The following RBPJ variants were observed in gnomAD, a reference collection of about 807,000 sequenced individuals.
RBPJ encodes recombination signal binding protein for immunoglobulin kappa J region, also known as recombining binding protein suppressor of hairless.
In RBPJ, 9 loss-of-function variants were observed where a neutral mutation model predicts 67.8. That is an observed-to-expected ratio of 0.13 (90% CI 0.08 to 0.23). RBPJ has a LOEUF of 0.23. Among genes scored for constraint, RBPJ ranks in the 10% least tolerant of loss-of-function variants. The probability of loss-of-function intolerance (pLI) is 1.00; values close to 1 mark genes in which losing one functional copy is unlikely to be tolerated. For synonymous variants in RBPJ, 198 were observed against 203.3 expected, an observed-to-expected ratio of 0.97 and a Z score of 0.22; for missense variants, 305 against 595.6, an observed-to-expected ratio of 0.51 and a Z score of 5.08.
intron 1 of RBPJ, among the ~76,000 whole-genome samples, chr4:26,385,897 G>T (rs1560312626): frequency 6.6e-6 from 1 of 151,686 alleles, no homozygotes; most frequent in Non-Finnish European, 1.5e-5. Flanking sequence ...TGAACCCTTG[G>T]GCTCAGTCTC....
chr4:26,170,609 C>A (rs1267000003), intron 1 of RBPJ, among the ~76,000 whole-genome samples: 1 of 150,954 alleles, frequency 6.6e-6, no homozygotes, highest in Non-Finnish European at 1.5e-5. Context: ...ATGATACAAA[C>A]AGGAAAATTT....
At chr4:26,126,370 C>G in the RBPJ span, among the ~76,000 whole-genome samples, 1 of 152,214 alleles carries the variant, frequency 6.6e-6, no homozygotes, top group Non-Finnish European at 1.5e-5. Context: ...GGGGAATCCC[C>G]CATTGTGTAT....
chr4:26,357,146 C>T (rs1727468504), intron 1 of RBPJ, among the ~76,000 whole-genome samples: 1 of 152,186 alleles, frequency 6.6e-6, no homozygotes, highest in African/African-American at 2.4e-5. Context: ...CTTGAAGAAA[C>T]AGTGGAGCCC....
chr4:26,108,441 A>G, the RBPJ span, among the ~76,000 whole-genome samples: 2 of 152,162 alleles, frequency 1.3e-5, no homozygotes, highest in African/African-American at 4.8e-5. Context: ...AGGAGTCTGC[A>G]CTATACTGAG....
At chr4:26,334,052 T>C (rs969291347) in intron 1 of RBPJ, among the ~76,000 whole-genome samples, 7 of 152,058 alleles carry the variant, frequency 4.6e-5, no homozygotes, top group Middle Eastern at 3.4e-3. Context: ...CTTTTCTTTT[T>C]TTTTTTTTGA....
intron 1 of RBPJ, among the ~76,000 whole-genome samples, chr4:26,166,727 A>T (rs1251365708): frequency 2.0e-5 from 3 of 151,940 alleles, no homozygotes; most frequent in Non-Finnish European, 4.4e-5. Flanking sequence ...GTTTAATTAG[A>T]TCCCATTTGT....
intron 1 of RBPJ, among the ~76,000 whole-genome samples, chr4:26,164,870 G>A (rs1052324823): frequency 1.3e-5 from 2 of 152,156 alleles, no homozygotes; most frequent in African/African-American, 2.4e-5. Context: ...TAGACCACCA[G>A]AAGTCTAGAG....
At chr4:26,317,597 A>G (rs983750607), upstream of RBPJ, among the ~76,000 whole-genome samples, 1 of 152,158 alleles carries the variant, frequency 6.6e-6, no homozygotes, top group South Asian at 2.1e-4. Context: ...AGAAGGGAGG[A>G]CCAGTTAGGG....
intron 1 of RBPJ, among the ~76,000 whole-genome samples, chr4:26,174,982 A>G (rs1306362699): frequency 2.0e-5 from 3 of 152,174 alleles, no homozygotes; most frequent in Admixed American, 2.0e-4. Context: ...AGGGAAAGGG[A>G]TATGAGAAAA....
chr4:26,191,403 A>G (rs1225674329), intron 1 of RBPJ, among the ~76,000 whole-genome samples: 1 of 151,384 alleles, frequency 6.6e-6, no homozygotes, highest in Non-Finnish European at 1.5e-5. Flanking sequence ...TCCTTTTTCA[A>G]TCTATTATCT....
At chr4:26,409,471 A>C (rs569515844) in intron 3 of RBPJ, among the ~76,000 whole-genome samples, 64 of 152,146 alleles carry the variant, frequency 4.2e-4, no homozygotes, top group Non-Finnish European at 8.1e-4. Flanking sequence ...TGGAAAATTT[A>C]ACCATATCTT....
intron 5 of RBPJ, 55 bp downstream of exon 5, chr4:26,420,780 ACT>A (rs1735051778): frequency 1.4e-6 from 2 of 1,399,888 alleles, no homozygotes; most frequent in South Asian, 1.5e-5. Context: ...AATAAGACAG[ACT>A]CTTTTTTAAA....
intron 2 of RBPJ, among the ~76,000 whole-genome samples, chr4:26,405,606 T>C (rs1035500219): frequency 2.0e-5 from 3 of 152,154 alleles, no homozygotes; most frequent in Non-Finnish European, 4.4e-5. Context: ...ATTTTATTTA[T>C]TTAATAATAT....
At chr4:26,354,104 G>A (rs557657895) in intron 1 of RBPJ, among the ~76,000 whole-genome samples, 3 of 150,866 alleles carry the variant, frequency 2.0e-5, no homozygotes, top group Admixed American at 2.0e-4. Flanking sequence ...CTAATTTTTT[G>A]TATTTTTTAG....
At chr4:26,189,770 G>A (rs1254966566) in intron 1 of RBPJ, among the ~76,000 whole-genome samples, 1 of 152,216 alleles carries the variant, frequency 6.6e-6, no homozygotes, top group Non-Finnish European at 1.5e-5. Context: ...ATTTCTATCT[G>A]TAGGTTTTAT....
intron 1 of RBPJ, among the ~76,000 whole-genome samples, chr4:26,292,162 T>A (rs1186881663): frequency 6.6e-6 from 1 of 150,688 alleles, no homozygotes; most frequent in Admixed American, 6.6e-5. Flanking sequence ...ATATTTAGTC[T>A]CCAGAACTTA....
chr4:26,148,451 A>G, the RBPJ span, among the ~76,000 whole-genome samples: 907 of 152,320 alleles, frequency 6.0e-3, 10 homozygotes, highest in African/African-American at 0.021. Flanking sequence ...CACAGAAAAG[A>G]AAATGGGATT....
chr4:26,300,920 A>G (rs1366653262), intron 1 of RBPJ, among the ~76,000 whole-genome samples: 1 of 152,240 alleles, frequency 6.6e-6, no homozygotes, highest in African/African-American at 2.4e-5. Flanking sequence ...TTAAAGAAAC[A>G]AATGAACTAC....
intron 1 of RBPJ, among the ~76,000 whole-genome samples, chr4:26,288,538 G>C (rs73114554): frequency 0.034 from 5,162 of 152,256 alleles, 292 homozygotes; most frequent in African/African-American, 0.12. Context: ...CATTGAATTC[G>C]CTAAAACTCA....
Sources: gnomAD v4.1 joint callset for allele counts (sites outside exome capture counted in the v4.1 genomes callset) on GRCh38, gnomAD v4.1.1 for gene constraint, MANE v1.5 for transcripts, NCBI Gene and HGNC (gene_info 2026-07-23, HGNC 2026-07-21) for gene names.